The following GRM5 variants were observed in gnomAD, a reference collection of about 807,000 sequenced individuals.
GRM5 encodes glutamate metabotropic receptor 5.
GRM5 carries 19 observed loss-of-function variants against 83.1 expected under a neutral mutation model. The ratio of observed to expected loss-of-function variants is 0.23; its 90% confidence interval spans 0.16 to 0.34. GRM5 has a LOEUF of 0.34. Among genes scored for constraint, GRM5 ranks in the 10% least tolerant of loss-of-function variants. GRM5 has a pLI of 1.00. For synonymous variants in GRM5, 675 were observed against 633.6 expected (o/e 1.07, Z -0.98); for missense variants, 1,160 against 1,588.3 (o/e 0.73, Z 4.58).
intron 2 of GRM5, among the ~76,000 whole-genome samples, chr11:88,855,148 G>C (rs1248893662): frequency 4.6e-5 from 7 of 151,534 alleles, no homozygotes; most frequent in Admixed American, 4.6e-4. Flanking sequence ...AAGTAATTTT[G>C]TTTTCTTTGA....
At chr11:89,015,247 C>T (rs1940822352) in intron 2 of GRM5, among the ~76,000 whole-genome samples, 1 of 152,164 alleles carries the variant, frequency 6.6e-6, no homozygotes, top group Non-Finnish European at 1.5e-5. Context: ...ATTTTATAAA[C>T]TATGAATTCT....
chr11:88,509,819 G>A (rs1941313774), intron 9 of GRM5, among the ~76,000 whole-genome samples: 1 of 152,326 alleles, frequency 6.6e-6, no homozygotes, highest in East Asian at 1.9e-4. Context: ...CCACCTGTGA[G>A]TGCAGCAGCA....
intron 2 of GRM5, among the ~76,000 whole-genome samples, chr11:88,948,590 C>T (rs757631942): frequency 6.6e-6 from 1 of 152,198 alleles, no homozygotes; most frequent in Non-Finnish European, 1.5e-5. Context: ...TTTGAGAATT[C>T]ATAAAATTCG....
At chr11:88,587,459 T>C (rs1417750595) in intron 7 of GRM5, among the ~76,000 whole-genome samples, 5 of 151,974 alleles carry the variant, frequency 3.3e-5, no homozygotes, top group Non-Finnish European at 5.9e-5. Flanking sequence ...AGAAAGATCA[T>C]AGGAGGGTGG....
chr11:88,785,749 T>A (rs1943056857), intron 3 of GRM5, among the ~76,000 whole-genome samples: 1 of 152,072 alleles, frequency 6.6e-6, no homozygotes, highest in African/African-American at 2.4e-5. Flanking sequence ...GAACATTCTA[T>A]AATTAAAGAA....
chr11:88,834,605 G>T (rs1282472630), intron 3 of GRM5, among the ~76,000 whole-genome samples: 1 of 46,130 alleles, frequency 2.2e-5, no homozygotes. Flanking sequence ...AAAACAGCAC[G>T]TGTCCAAGAA....
chr11:88,833,361 G>A (rs1243919906), intron 3 of GRM5, among the ~76,000 whole-genome samples: 1 of 152,004 alleles, frequency 6.6e-6, no homozygotes, highest in Non-Finnish European at 1.5e-5. Flanking sequence ...ACGTATAAAT[G>A]GCCGACAGGT....
chr11:88,831,434 C>T (rs914266038), intron 3 of GRM5, among the ~76,000 whole-genome samples: 4 of 152,208 alleles, frequency 2.6e-5, no homozygotes, highest in African/African-American at 9.6e-5. Context: ...AGAAGCAGGG[C>T]CACAGTGCAG....
intron 8 of GRM5, among the ~76,000 whole-genome samples, chr11:88,564,289 AC>A (rs112434915): frequency 8.1e-4 from 124 of 152,332 alleles, no homozygotes; most frequent in African/African-American, 2.8e-3. Context: ...CAAAAAAACT[AC>A]ATGGCCCTGT....
rs11020796 is a variant in GRM5, at chr11:88,652,342, T to G, written c.1147+826A>C. Among the ~76,000 whole-genome samples, 1,203 of 152,160 alleles carry G rather than the reference T, an allele frequency of 7.9e-3. 11 individuals carry two copies. The highest frequency in any genetic ancestry group is 9.7e-3 in the Non-Finnish European group (660 of 67,966). The stretch of plus-strand genomic sequence containing the variant: ...CTTTAACCTTTGCAGGCACAGATAT[T>G]TGATAGACAGATGATATAGATAGAT... On this transcript the variant is annotated intron_variant, in intron 4 of 9. Coordinates refer to ENST00000305447, the MANE Select transcript of GRM5 (RefSeq NM_001143831.3).
At chr11:89,000,145 G>T (rs1666244571) in intron 2 of GRM5, among the ~76,000 whole-genome samples, 1 of 152,038 alleles carries the variant, frequency 6.6e-6, no homozygotes, top group African/African-American at 2.4e-5. Flanking sequence ...GCTAAATGAG[G>T]AGTTAATGGG....
At chr11:88,711,884 T>C (rs1358131456) in intron 3 of GRM5, among the ~76,000 whole-genome samples, 1 of 151,984 alleles carries the variant, frequency 6.6e-6, no homozygotes, top group Non-Finnish European at 1.5e-5. Flanking sequence ...GAGATTCCAC[T>C]TCAAAATAGC....
chr11:89,064,876 CTCTCTCTCTCTCTGTGTG>C (rs1471029692), intron 1 of GRM5, among the ~76,000 whole-genome samples: 2 of 47,374 alleles, frequency 4.2e-5, no homozygotes, highest in African/African-American at 1.5e-4. Context: ...CTCTCTCTCT[CTCTCTCTCTCTCTGTGTG>C]TGTGTGTGTG....
intron 8 of GRM5, among the ~76,000 whole-genome samples, chr11:88,538,707 GT>G (rs1942193731): frequency 1.3e-5 from 2 of 152,194 alleles, no homozygotes; most frequent in African/African-American, 4.8e-5. Context: ...CACTTGGAAT[GT>G]TCCAGACACA....
At chr11:88,675,101 G>C (rs1206935833) in intron 3 of GRM5, among the ~76,000 whole-genome samples, 1 of 151,656 alleles carries the variant, frequency 6.6e-6, no homozygotes, top group Non-Finnish European at 1.5e-5. Context: ...CCTATATTCT[G>C]GCTGTTTTTC....
intron 8 of GRM5, among the ~76,000 whole-genome samples, chr11:88,528,170 C>A (rs903194050): frequency 4.6e-5 from 7 of 151,904 alleles, no homozygotes; most frequent in African/African-American, 1.2e-4. Flanking sequence ...ATATAAAAAA[C>A]AAAATAATGA....
intron 3 of GRM5, among the ~76,000 whole-genome samples, chr11:88,845,539 T>C (rs1182486901): frequency 6.7e-6 from 1 of 150,226 alleles, no homozygotes; most frequent in Non-Finnish European, 1.5e-5. Context: ...GTTTGCGCCA[T>C]TCTCCTGCCT....
intron 2 of GRM5, among the ~76,000 whole-genome samples, chr11:88,962,289 A>G (rs951485267): frequency 6.6e-6 from 1 of 151,078 alleles, no homozygotes; most frequent in Non-Finnish European, 1.5e-5. Context: ...CCAAATATCC[A>G]CTCTTCCATC....
Position 88,508,439 on chromosome 11 carries a change from G to A in GRM5, c.*153C>T, listed in dbSNP as rs1941239498. The stretch of plus-strand genomic sequence containing the variant: ...CGTCGGTTTCTTCGTCGGTTGTCAT[G>A]AGATAGCACTACTGATCTCGTGTTT... On this transcript the variant is annotated 3_prime_UTR_variant, in exon 10 of 10. Coordinates refer to ENST00000305447, the MANE Select transcript of GRM5 (RefSeq NM_001143831.3). The surrounding 1 kb of genome is among the most constrained non-coding windows in gnomAD (Gnocchi z 4.2). 1 of 526,572 alleles carries A rather than the reference G, an allele frequency of 1.9e-6. No individual in the cohort carries two copies. Among genetic ancestry groups the A allele is most frequent in the East Asian group, 3.5e-5 (1 of 28,870 alleles). The allele number at this position is 526,572 out of a possible 1,614,324, so 32.6% of individuals were successfully genotyped here.
Sources: allele counts gnomAD v4.1 joint callset (sites outside exome capture counted in the v4.1 genomes callset), GRCh38; gene constraint gnomAD v4.1.1; non-coding constraint Gnocchi (gnomAD v3.1); transcripts MANE v1.5; gene names NCBI Gene and HGNC (gene_info 2026-07-23, HGNC 2026-07-21).